B3GALT1: variants seen among roughly 807,000 people sequenced by gnomAD.
B3GALT1 encodes UDP-Gal:betaGlcNAc beta 1,3-galactosyltransferase, polypeptide 1.
A neutral mutation model predicts 23.2 loss-of-function variants in B3GALT1; 10 were observed. The observed-to-expected ratio is 0.43, with a 90% CI of 0.27 to 0.73. The LOEUF (loss-of-function observed/expected upper bound fraction) is 0.73, where lower values mean the gene tolerates loss of function less well. Ranked by LOEUF, B3GALT1 falls within the 30% of genes least tolerant of loss-of-function variation. The pLI, the probability that B3GALT1 is intolerant of heterozygous loss-of-function variation, is 0.21. For synonymous variants in B3GALT1, 156 were observed against 141.5 expected, an observed-to-expected ratio of 1.10 and a Z score of -0.73; for missense variants, 299 against 405.4, an observed-to-expected ratio of 0.74 and a Z score of 2.25.
chr2:167,809,331 C>G (rs1312048606), intron 3 of B3GALT1, among the ~76,000 whole-genome samples: 8 of 152,218 alleles, frequency 5.3e-5, no homozygotes, highest in Non-Finnish European at 8.8e-5. Context: ...TGGTGAGGAG[C>G]TGCATTCCTT....
At chr2:167,434,385 A>T (rs1318051829) in intron 1 of B3GALT1, among the ~76,000 whole-genome samples, 1 of 152,118 alleles carries the variant, frequency 6.6e-6, no homozygotes, top group Non-Finnish European at 1.5e-5. Flanking sequence ...CAGTTTAAAC[A>T]GTATTGACTC....
intron 3 of B3GALT1, among the ~76,000 whole-genome samples, chr2:167,706,300 T>C (rs368556493): frequency 5.9e-5 from 9 of 152,244 alleles, no homozygotes; most frequent in South Asian, 4.1e-4. Flanking sequence ...TGTGGGATGA[T>C]GTACCTTGAT....
At chr2:167,433,193 G>A (rs1698730337) in intron 1 of B3GALT1, among the ~76,000 whole-genome samples, 1 of 152,052 alleles carries the variant, frequency 6.6e-6, no homozygotes, top group East Asian at 1.9e-4. Context: ...ACAGTATGTA[G>A]CCCTTTTAGG....
intron 2 of B3GALT1, among the ~76,000 whole-genome samples, chr2:167,515,133 C>T (rs1304052090): frequency 1.3e-5 from 2 of 152,048 alleles, no homozygotes; most frequent in South Asian, 2.1e-4. Context: ...AATGATATAG[C>T]ATTTAGTCAT....
intron 3 of B3GALT1, among the ~76,000 whole-genome samples, chr2:167,679,479 C>T (rs1686490807): frequency 6.6e-6 from 1 of 152,270 alleles, no homozygotes; most frequent in Non-Finnish European, 1.5e-5. Context: ...GCCTGGAACT[C>T]CTGACCTCAG....
chr2:167,579,430 G>GTTTTTTTTTTTTTTTTTTTTTTTTT (rs1553469287), intron 2 of B3GALT1, among the ~76,000 whole-genome samples: 1 of 63,628 alleles, frequency 1.6e-5, no homozygotes, highest in Non-Finnish European at 2.5e-5. Context: ...GTTTTTTTTT[G>GTTTTTTTTTTTTTTTTTTTTTTTTT]TCTTTTTTTT....
intron 1 of B3GALT1, among the ~76,000 whole-genome samples, chr2:167,366,292 T>G (rs969131086): frequency 2.0e-5 from 3 of 152,188 alleles, no homozygotes; most frequent in Admixed American, 2.0e-4. Flanking sequence ...TTTTCTTTTA[T>G]ATAGGTAGTA....
At chr2:167,536,115 C>G (rs1039122435) in intron 2 of B3GALT1, among the ~76,000 whole-genome samples, 1 of 152,074 alleles carries the variant, frequency 6.6e-6, no homozygotes, top group African/African-American at 2.4e-5. Flanking sequence ...CTATGTTGAT[C>G]AGGCTGGTGT....
chr2:167,403,809 AG>A (rs2105290742), intron 1 of B3GALT1, among the ~76,000 whole-genome samples: 1 of 152,280 alleles, frequency 6.6e-6, no homozygotes, highest in Admixed American at 6.5e-5. Flanking sequence ...TGGAAAGGGA[AG>A]GGAAGGAAAA....
rs551437711 is a variant in B3GALT1, at chr2:167,620,627, A to C, written c.-409-26282A>C. ...AAACTTGTGGCACTTTCACAGTCAC[A>C]GAGTGGTGAAAAATTTGAGTCACCC... On this transcript the variant is annotated intron_variant, in intron 2 of 4. Coordinates refer to ENST00000392690, the MANE Select transcript of B3GALT1 (RefSeq NM_020981.4). Among the ~76,000 whole-genome samples the C allele has an allele frequency of 5.3e-5, 8 of 152,244 alleles. No homozygotes were observed. The South Asian group carries it at 1.5e-3, about 28-fold the overall frequency.
At chr2:167,542,662 A>G (rs1217299911) in intron 2 of B3GALT1, among the ~76,000 whole-genome samples, 3 of 152,194 alleles carry the variant, frequency 2.0e-5, no homozygotes, top group African/African-American at 4.8e-5. Flanking sequence ...TTGAGAATCA[A>G]GTCAGATGTT....
At chr2:167,334,344 C>T (rs1393850647) in intron 1 of B3GALT1, among the ~76,000 whole-genome samples, 1 of 152,138 alleles carries the variant, frequency 6.6e-6, no homozygotes, top group South Asian at 2.1e-4. Context: ...GGACTCTATT[C>T]ACTTTTAAAT....
At chr2:167,538,222 G>A (rs1290334711) in intron 2 of B3GALT1, among the ~76,000 whole-genome samples, 2 of 152,078 alleles carry the variant, frequency 1.3e-5, no homozygotes, top group African/African-American at 2.4e-5. Context: ...TAAGATTTAT[G>A]CCACATCTGG....
chr2:167,307,611 C>T (rs182309487), intron 1 of B3GALT1, among the ~76,000 whole-genome samples: 1 of 151,998 alleles, frequency 6.6e-6, no homozygotes, highest in African/African-American at 2.4e-5. Flanking sequence ...TCTGCCCCAG[C>T]CCCTGTTCAT....
chr2:167,468,925 C>G (rs1389265117), intron 1 of B3GALT1, among the ~76,000 whole-genome samples: 1 of 152,098 alleles, frequency 6.6e-6, no homozygotes, highest in South Asian at 2.1e-4. Flanking sequence ...TAAAATCAGG[C>G]ATAAGGCAAG....
At chr2:167,772,351 AT>A (rs1574254808) in intron 3 of B3GALT1, among the ~76,000 whole-genome samples, 3 of 152,308 alleles carry the variant, frequency 2.0e-5, no homozygotes, top group Admixed American at 6.5e-5. Flanking sequence ...GTATTATCTA[AT>A]TTAGTTCTCA....
At chr2:167,814,456 T>TG (rs935877225) in intron 3 of B3GALT1, among the ~76,000 whole-genome samples, 3 of 152,218 alleles carry the variant, frequency 2.0e-5, no homozygotes, top group African/African-American at 7.2e-5. Context: ...ACTGTGGCAC[T>TG]GCTAACAATT....
chr2:167,495,128 G>C (rs1699763925), intron 2 of B3GALT1, among the ~76,000 whole-genome samples: 1 of 152,076 alleles, frequency 6.6e-6, no homozygotes, highest in South Asian at 2.1e-4. Flanking sequence ...GCATAAATGA[G>C]GATTATTTGG....
At chr2:167,571,374 C>T (rs1469796031) in intron 2 of B3GALT1, among the ~76,000 whole-genome samples, 3 of 151,900 alleles carry the variant, frequency 2.0e-5, no homozygotes, top group Non-Finnish European at 4.4e-5. Flanking sequence ...TTCCTTAATT[C>T]TCTTTATTAA....
Sources: gnomAD v4.1 joint callset for allele counts (sites outside exome capture counted in the v4.1 genomes callset) on GRCh38, gnomAD v4.1.1 for gene constraint, MANE v1.5 for transcripts, NCBI Gene and HGNC (gene_info 2026-07-23, HGNC 2026-07-21) for gene names.